NCS1: variants seen among roughly 807,000 people sequenced by gnomAD.
The protein encoded by NCS1 is frequenin homolog.
Under a neutral mutation model 28.4 loss-of-function variants are expected in NCS1, and 6 were observed. The ratio of observed to expected loss-of-function variants is 0.21; its 90% CI spans 0.12 to 0.42. NCS1 has a LOEUF of 0.42. Ranked by LOEUF, NCS1 falls within the 10% of genes least tolerant of loss-of-function variation. The pLI is 1.00. For synonymous variants in NCS1, 86 were observed against 99.3 expected, an observed-to-expected ratio of 0.87 and a Z score of 0.79; for missense variants, 131 against 241.4, an observed-to-expected ratio of 0.54 and a Z score of 3.03.
chr9:130,221,867 A>G (rs180827721), intron 4 of NCS1, among the ~76,000 whole-genome samples: 3 of 25,942 alleles, frequency 1.2e-4, no homozygotes, highest in African/African-American at 5.7e-4. Context: ...ATGTATATAT[A>G]AATATATATA....
Position 130,184,640 on chromosome 9 carries a change from T to C in NCS1, c.64+11913T>C, listed in dbSNP as rs558228204. ...CTTTCTTTTTTTCTTTTTCTTTTTT[T>C]GTTTTGAGACAGAGTCTCGCTCTGT... is the stretch of plus-strand genomic sequence containing the variant. On this transcript the variant is annotated intron_variant, in intron 1 of 7. Coordinates refer to ENST00000372398, the MANE Select transcript of NCS1 (RefSeq NM_014286.4). Among the ~76,000 whole-genome samples the C allele has an allele frequency of 3.9e-5, 6 of 152,184 alleles. No homozygotes were observed. The South Asian group carries it at 1.2e-3, about 32-fold the overall frequency.
In NCS1 at chr9:130,204,327, C is replaced by T. The variant is rs369925670; in HGVS notation, c.89+3345C>T. On this transcript the variant is annotated intron_variant, in intron 2 of 7. Transcript: ENST00000372398. ...TTTCAGAGACAGGGTGTTGCCCTGT[C>T]GCCCAGGCTGGAGTGTGGTGGTACT... 2.5e-4 allele frequency among the ~76,000 whole-genome samples: 38 copies of T among 152,088 alleles called. No individual in the cohort carries two copies. The East Asian group carries it at 4.6e-3, about 19-fold the overall frequency.
rs150147350 is a variant in NCS1 at position 130,192,622 on chromosome 9, G to A, written c.65-8336G>A. 1.3e-5 allele frequency among the ~76,000 whole-genome samples: 2 copies of A among 152,218 alleles called. No individual in the cohort carries two copies. The highest frequency in any genetic ancestry group is 3.9e-4 in the East Asian group (2 of 5,168). On this transcript the variant is annotated intron_variant, in intron 1 of 7. Transcript: ENST00000372398. This position sits in a 1 kb window ranked among gnomAD's most constrained non-coding sequence, Gnocchi z 4.8. ...CACATTGGGTCAGGAGCAAAGGTGG[G>A]CAGCCAGGACTCCCTGCCCACCCAG...
chr9:130,198,526 A>G (rs1280521700), intron 1 of NCS1, among the ~76,000 whole-genome samples: 2 of 152,216 alleles, frequency 1.3e-5, no homozygotes, highest in African/African-American at 4.8e-5. Flanking sequence ...CTCTAGGGGC[A>G]CCGTCCCAGC....
rs535880594 is a variant in NCS1 at position 130,212,967 on chromosome 9, A to G, written c.90-4865A>G. Among the ~76,000 whole-genome samples the G allele has an allele frequency of 1.5e-3, 223 of 152,096 alleles. 1 individual carries two copies. The highest frequency in any genetic ancestry group is 5.1e-3 in the African/African-American group (211 of 41,490). ...CCTGGGGGTGGCTGGGGTGGCTGGG[A>G]AGGTTCAGACCCCCCCATCCCGTCT... is the stretch of plus-strand genomic sequence containing the variant. On this transcript the variant is annotated intron_variant, in intron 2 of 7. Transcript: ENST00000372398.
chr9:130,200,446 GC>G, intron 1 of NCS1: 6 of 829,456 alleles, frequency 7.2e-6, no homozygotes, highest in African/African-American at 1.7e-5. Flanking sequence ...ACAGAGAGGG[GC>G]TGCAGGGACA....
chr9:130,215,548 G>A lies in NCS1; in HGVS notation c.90-2284G>A, dbSNP rs1833170234. Among the ~76,000 whole-genome samples, 1 of 152,192 alleles carries A rather than the reference G, an allele frequency of 6.6e-6. No individual in the cohort carries two copies. On this transcript the variant is annotated intron_variant, in intron 2 of 7. Transcript: ENST00000372398. This position sits in a 1 kb window ranked among gnomAD's most constrained non-coding sequence, Gnocchi z 4.2. ...GGGTCGCACACTGGCCGGCAGGGCA[G>A]AGGACAGGAGAGGCAGGGCGGGCTC...
Position 130,181,734 on chromosome 9 carries a change from G to A in NCS1, c.64+9007G>A, listed in dbSNP as rs1479986654. Among the ~76,000 whole-genome samples, 2 of 152,160 alleles carry A rather than the reference G, an allele frequency of 1.3e-5. No individual in the cohort carries two copies. Among genetic ancestry groups the A allele is most frequent in the East Asian group, 1.9e-4 (1 of 5,184 alleles). On this transcript the variant is annotated intron_variant, in intron 1 of 7. Transcript: ENST00000372398. The surrounding 1 kb of genome is among the most constrained non-coding windows in gnomAD (Gnocchi z 5.0). ...TGAGCGTGAGCGGGCCCGGGTGCCT[G>A]GTGTGGGTGTTGCAGGCAGGGCGGG...
intron 6 of NCS1, among the ~76,000 whole-genome samples, chr9:130,223,852 T>C (rs1554910966): frequency 6.6e-6 from 1 of 151,772 alleles, no homozygotes; most frequent in African/African-American, 2.4e-5. Context: ...ACCCTTCTCT[T>C]TTTTTTTGAG....
intron 4 of NCS1, among the ~76,000 whole-genome samples, chr9:130,221,443 G>GAA (rs1554910447): frequency 1.8e-4 from 25 of 139,856 alleles, no homozygotes; most frequent in Non-Finnish European, 3.1e-4. Context: ...GAGAGAGAGA[G>GAA]AGAGAGAGAA....
intron 2 of NCS1, among the ~76,000 whole-genome samples, chr9:130,217,135 T>C (rs528864682): frequency 6.6e-6 from 1 of 152,254 alleles, no homozygotes; most frequent in African/African-American, 2.4e-5. Context: ...GGTGAGGGCG[T>C]TTGCTTGAGG....
intron 2 of NCS1, among the ~76,000 whole-genome samples, chr9:130,207,232 T>TA (rs1321680824): frequency 6.6e-6 from 1 of 152,200 alleles, no homozygotes; most frequent in African/African-American, 2.4e-5. Context: ...CAGCCTCTGC[T>TA]AGAGCTTTGG....
rs782765714 is a variant in NCS1, at chr9:130,175,546, T to C, written c.64+2819T>C. Among the ~76,000 whole-genome samples, 23 of 152,262 alleles carry C rather than the reference T, an allele frequency of 1.5e-4. No homozygotes were observed. The highest frequency in any genetic ancestry group is 2.9e-4 in the Non-Finnish European group (20 of 68,000). On this transcript the variant is annotated intron_variant, in intron 1 of 7. Coordinates refer to ENST00000372398, the MANE Select transcript of NCS1 (RefSeq NM_014286.4). The surrounding 1 kb of genome is among the most constrained non-coding windows in gnomAD (Gnocchi z 4.9). ...GATTGAAGACCACAGTTCCAGTGTA[T>C]GCTGGGGGTCCTAGCCCACCTCATG...
intron 2 of NCS1, among the ~76,000 whole-genome samples, chr9:130,203,046 A>ATGTGTGTGTGTGTGTGTGTG (rs113946626): frequency 8.3e-4 from 118 of 142,706 alleles, no homozygotes; most frequent in African/African-American, 2.8e-3. Flanking sequence ...CAGGGTAAAT[A>ATGTGTGTGTGTGTGTGTGTG]TGTGTGTGTG....
chr9:130,210,843 C>CTTTTTTTT (rs3055582), intron 2 of NCS1, among the ~76,000 whole-genome samples: 51 of 141,064 alleles, frequency 3.6e-4, no homozygotes, highest in African/African-American at 1.2e-3. Flanking sequence ...TTTTTCTTTT[C>CTTTTTTTT]TTTTTTTTTT....
In NCS1 at chr9:130,233,719, A is replaced by G. The variant is rs888485940; in HGVS notation, c.*747A>G. The G allele has an allele frequency of 6.6e-6, 1 of 152,206 alleles. No individual in the cohort carries two copies. The highest frequency in any genetic ancestry group is 1.5e-5 in the Non-Finnish European group (1 of 67,960). The allele number at this position is 152,206 out of a possible 1,614,324, so 9.4% of individuals were successfully genotyped here. A position where few individuals can be genotyped will look rare whatever the true frequency, so the allele number is the denominator to read the frequency against. On this transcript the variant is annotated 3_prime_UTR_variant, in exon 8 of 8. Coordinates refer to ENST00000372398, the MANE Select transcript of NCS1 (RefSeq NM_014286.4). This position sits in a 1 kb window ranked among gnomAD's most constrained non-coding sequence, Gnocchi z 4.8. ...TCCCAGGGCTGCGGGCCCACCGTTT[A>G]CATGTGCACGCCCTGACCCACCTGC...
chr9:130,189,085 T>G (rs573532422), intron 1 of NCS1, among the ~76,000 whole-genome samples: 13 of 152,172 alleles, frequency 8.5e-5, no homozygotes, highest in Non-Finnish European at 1.8e-4. Flanking sequence ...GTGTCTCCCC[T>G]GTTGTATCAG....
rs1411744110 is a variant in NCS1, at chr9:130,177,997, G to T, written c.64+5270G>T. Among the ~76,000 whole-genome samples, 1 of 152,214 alleles carries T rather than the reference G, an allele frequency of 6.6e-6. No individual in the cohort carries two copies. Among genetic ancestry groups the T allele is most frequent in the Non-Finnish European group, 1.5e-5 (1 of 68,042 alleles). On this transcript the variant is annotated intron_variant, in intron 1 of 7. Coordinates refer to ENST00000372398, the MANE Select transcript of NCS1 (RefSeq NM_014286.4). The surrounding 1 kb of genome is among the most constrained non-coding windows in gnomAD (Gnocchi z 4.4). Reference sequence around the variant, plus strand: ...CGGGGCATATGAAGGGTTTAGCTTGGTGCCTGGTTCTGAGGGGAACCTTTA... The same window carrying T: ...CGGGGCATATGAAGGGTTTAGCTTGTTGCCTGGTTCTGAGGGGAACCTTTA...
intron 2 of NCS1, among the ~76,000 whole-genome samples, chr9:130,201,202 G>A (rs1832943555): frequency 6.6e-6 from 1 of 152,184 alleles, no homozygotes; most frequent in Admixed American, 6.5e-5. Flanking sequence ...GTGTTTGTTG[G>A]TGGTCCTTGC....
Sources: gnomAD v4.1 joint callset for allele counts (sites outside exome capture counted in the v4.1 genomes callset) on GRCh38, gnomAD v4.1.1 for gene constraint, Gnocchi (gnomAD v3.1) non-coding constraint, MANE v1.5 for transcripts, NCBI Gene and HGNC (gene_info 2026-07-23, HGNC 2026-07-21) for gene names.